Variants in YBX3 observed in about 807,000 individuals in gnomAD.
YBX3 encodes Y-box binding protein 3.
YBX3 carries 29 observed loss-of-function variants against 42.4 expected under a neutral mutation model. That is an observed-to-expected ratio of 0.68 (90% CI 0.51 to 0.93). YBX3 has a LOEUF of 0.93. YBX3 is among the 40% of genes least tolerant of loss of function. The probability of loss-of-function intolerance (pLI) is 0.00; values close to 1 mark genes in which losing one functional copy is unlikely to be tolerated. For missense variants in YBX3, 517 were observed against 527.5 expected (o/e 0.98, Z 0.19); for synonymous variants, 195 against 189.8 (o/e 1.03, Z -0.22).
intron 6 of YBX3, among the ~76,000 whole-genome samples, chr12:10,707,927 A>G (rs1023088151): frequency 1.3e-5 from 2 of 152,266 alleles, no homozygotes; most frequent in African/African-American, 4.8e-5. Context: ...CTGGATGACA[A>G]GAACAAAATG....
intron 1 of YBX3, among the ~76,000 whole-genome samples, chr12:10,719,561 T>C (rs1054404987): frequency 1.3e-5 from 2 of 152,202 alleles, no homozygotes; most frequent in Non-Finnish European, 2.9e-5. Flanking sequence ...CTTGGAAATA[T>C]TAGGCAAACT....
intron 5 of YBX3, chr12:10,711,309 A>G (rs896136566): frequency 1.3e-5 from 2 of 152,200 alleles, no homozygotes; most frequent in African/African-American, 4.8e-5. Context: ...TAAATAAAAA[A>G]AGCAAAATAA....
chr12:10,707,019 A>AAAT (rs1948145738), intron 6 of YBX3, among the ~76,000 whole-genome samples: 2 of 149,608 alleles, frequency 1.3e-5, no homozygotes, highest in African/African-American at 2.5e-5. Flanking sequence ...TCCATCTCAA[A>AAAT]AAATAAATAA....
At chr12:10,706,089 A>AAC (rs1459684414) in intron 6 of YBX3, among the ~76,000 whole-genome samples, 4 of 152,088 alleles carry the variant, frequency 2.6e-5, no homozygotes, top group African/African-American at 9.7e-5. Context: ...AGAACCATGG[A>AAC]ACACACACAC....
chr12:10,717,985 G>C, intron 3 of YBX3, 103 bp downstream of exon 3: 1 of 965,410 alleles, frequency 1.0e-6, no homozygotes, highest in Non-Finnish European at 1.5e-6. Flanking sequence ...AAAGAGTTTA[G>C]ATTAAAATAA....
chr12:10,719,382 G>C (rs1264013480), intron 1 of YBX3, among the ~76,000 whole-genome samples: 2 of 152,154 alleles, frequency 1.3e-5, no homozygotes, highest in East Asian at 3.8e-4. Context: ...CGCAAGATAA[G>C]GAGTGGTTAT....
Position 10,709,930 on chromosome 12 carries a change from A to G in YBX3, c.758T>C (p.Leu253Ser). The G allele has an allele frequency of 6.2e-7, 1 of 1,614,110 alleles. No individual in the cohort carries two copies. The highest frequency in any genetic ancestry group is 8.5e-7 in the Non-Finnish European group (1 of 1,180,036). Residue 253 changes from leucine (L) to serine (S), a missense_variant, in exon 6 of 10, where the codon TTA (leucine) becomes TCA (serine). Leu to Ser is a moderately radical substitution (Grantham distance 145, BLOSUM62 -2). Transcript: ENST00000228251. ...TACCTGTATTCTGTTGGGATGGGGT[A>G]AGACCCGTGAGCGACGGTCAAAGGT... ...GQTFDRRSRV[L>S]PHPNRIQAGE... is the part of the protein sequence containing the mutation.
intron 4 of YBX3, among the ~76,000 whole-genome samples, chr12:10,714,817 T>C (rs999187857): frequency 6.6e-6 from 1 of 151,986 alleles, no homozygotes; most frequent in African/African-American, 2.4e-5. Flanking sequence ...TGGAGTGCAA[T>C]GTCTCAGTTC....
At chr12:10,710,706 A>G (rs1218553391) in intron 5 of YBX3, 2 of 588,698 alleles carry the variant, frequency 3.4e-6, no homozygotes, top group Admixed American at 2.4e-5. Context: ...AAAGGCTACA[A>G]TGACATGTGG....
At chr12:10,721,656 G>A (rs1428033154) in intron 1 of YBX3, among the ~76,000 whole-genome samples, 1 of 152,002 alleles carries the variant, frequency 6.6e-6, no homozygotes. Flanking sequence ...CAAGAAAATA[G>A]TCCTCTCAAG....
At chr12:10,703,734 C>T (rs1016639512) in intron 7 of YBX3, 1 of 318,400 alleles carries the variant, frequency 3.1e-6, no homozygotes, top group African/African-American at 2.2e-5. Flanking sequence ...ACACTCAATT[C>T]TTCCTCCATC....
chr12:10,717,746 C>CT (rs1184768209), intron 3 of YBX3: 2 of 172,640 alleles, frequency 1.2e-5, no homozygotes, highest in Non-Finnish European at 2.4e-5. Context: ...CAGGCAAACA[C>CT]TAAGGAGGAA....
At chr12:10,718,764 G>C (rs1014614069) in intron 2 of YBX3, among the ~76,000 whole-genome samples, 22 of 152,278 alleles carry the variant, frequency 1.4e-4, no homozygotes, top group African/African-American at 5.1e-4. Context: ...CTTAACCAGT[G>C]TAAGACTCCG....
At chr12:10,715,135 A>G (rs1948245485) in intron 4 of YBX3, among the ~76,000 whole-genome samples, 1 of 152,238 alleles carries the variant, frequency 6.6e-6, no homozygotes, top group Non-Finnish European at 1.5e-5. Flanking sequence ...GTATAAAAAT[A>G]TAAATTATTT....
At chr12:10,712,955 G>A in intron 5 of YBX3, 3 of 438,680 alleles carry the variant, frequency 6.8e-6, no homozygotes, top group Admixed American at 8.3e-5. Context: ...AGTGATGGGT[G>A]CACCAAAATC....
intron 1 of YBX3, among the ~76,000 whole-genome samples, chr12:10,721,336 G>GT (rs551656665): frequency 4.6e-4 from 70 of 152,336 alleles, no homozygotes; most frequent in African/African-American, 1.6e-3. Context: ...TTTAAAGATA[G>GT]TATCTGCTTT....
chr12:10,713,375 T>C (rs1403560093), intron 4 of YBX3, 42 bp from the exon 5 acceptor site: 1 of 1,601,516 alleles, frequency 6.2e-7, no homozygotes, highest in African/African-American at 1.3e-5. Flanking sequence ...TTAAAAAGAA[T>C]ATACACTAAC....
chr12:10,714,449 G>A (rs1847992505), intron 4 of YBX3, among the ~76,000 whole-genome samples: 2 of 152,244 alleles, frequency 1.3e-5, no homozygotes, highest in South Asian at 4.1e-4. Context: ...AAAGCATAAA[G>A]GGCATTACAG....
chr12:10,718,052 T>G, intron 3 of YBX3, 36 bp downstream of exon 3: 1 of 1,578,330 alleles, frequency 6.3e-7, no homozygotes, highest in East Asian at 2.3e-5. Context: ...CACCCTCTCC[T>G]CACATAGCAA....
Sources: gnomAD v4.1 joint callset for allele counts (sites outside exome capture counted in the v4.1 genomes callset) on GRCh38, gnomAD v4.1.1 for gene constraint, MANE v1.5 for transcripts, NCBI Gene and HGNC (gene_info 2026-07-23, HGNC 2026-07-21) for gene names.